Variants in TACC2 observed in about 807,000 individuals in gnomAD.
TACC2 encodes transforming acidic coiled-coil-containing protein 2.
In TACC2, 137 loss-of-function variants were observed where a neutral mutation model predicts 227.3. That is an observed-to-expected ratio of 0.60 (90% CI 0.52 to 0.69). The LOEUF is 0.69. TACC2 is among the 30% of genes least tolerant of loss of function. The probability of loss-of-function intolerance (pLI) is 0.00; values close to 1 mark genes in which losing one functional copy is unlikely to be tolerated. For missense variants in TACC2, 3,470 were observed against 3,694.4 expected (o/e 0.94, Z 1.57); for synonymous variants, 1,523 against 1,487.5 (o/e 1.02, Z -0.55).
intron 9 of TACC2, among the ~76,000 whole-genome samples, chr10:122,214,566 G>A (rs2095362535): frequency 6.6e-6 from 1 of 152,124 alleles, no homozygotes; most frequent in Non-Finnish European, 1.5e-5. Context: ...TCTACAGGGT[G>A]GAAAGAGCCC....
At chr10:122,160,089 A>G (rs2092727060) in intron 7 of TACC2, among the ~76,000 whole-genome samples, 1 of 152,236 alleles carries the variant, frequency 6.6e-6, no homozygotes, top group African/African-American at 2.4e-5. Flanking sequence ...TAGGTGTCAC[A>G]AAGTAATGTG....
intron 7 of TACC2, among the ~76,000 whole-genome samples, chr10:122,182,894 T>G (rs980350794): frequency 1.1e-4 from 16 of 152,056 alleles, no homozygotes; most frequent in African/African-American, 2.9e-4. Context: ...ATACATTCGA[T>G]GTAAACAGCT....
At chr10:122,015,690 A>G (rs1465139949) in intron 1 of TACC2, among the ~76,000 whole-genome samples, 2 of 151,698 alleles carry the variant, frequency 1.3e-5, no homozygotes, top group Non-Finnish European at 2.9e-5. Context: ...CATCTCTACT[A>G]AAAATACAAA....
intron 6 of TACC2, among the ~76,000 whole-genome samples, chr10:122,138,662 C>G (rs1252455666): frequency 6.6e-6 from 1 of 152,146 alleles, no homozygotes; most frequent in East Asian, 1.9e-4. Context: ...ATTTGTGAAG[C>G]CAGCACCCAG....
chr10:122,206,289 C>T (rs1185012527), intron 8 of TACC2, among the ~76,000 whole-genome samples: 1 of 152,224 alleles, frequency 6.6e-6, no homozygotes, highest in African/African-American at 2.4e-5. Context: ...ATTCGCTTTC[C>T]CTCAACTTGG....
chr10:122,045,901 G>C (rs1290218479), intron 2 of TACC2, among the ~76,000 whole-genome samples: 3 of 152,222 alleles, frequency 2.0e-5, no homozygotes, highest in Admixed American at 6.5e-5. Context: ...TGGGCCGGGT[G>C]CCATGGCTCA....
At chr10:122,131,345 C>T (rs1474220979) in intron 5 of TACC2, among the ~76,000 whole-genome samples, 3 of 152,058 alleles carry the variant, frequency 2.0e-5, no homozygotes, top group African/African-American at 7.2e-5. Flanking sequence ...GGCTACAGAG[C>T]GGAGTTCATC....
chr10:122,063,856 A>ACC (rs1554989094), intron 3 of TACC2, among the ~76,000 whole-genome samples: 6 of 150,658 alleles, frequency 4.0e-5, no homozygotes, highest in African/African-American at 4.9e-5. Flanking sequence ...ACACACACAC[A>ACC]CCCTTAAAGA....
In TACC2 at chr10:122,125,369, G is replaced by A. The variant is rs564723560; in HGVS notation, c.5574-7240G>A. Among the ~76,000 whole-genome samples, 185 of 81,144 alleles carry A rather than the reference G, an allele frequency of 2.3e-3. 2 individuals are homozygous for A. Among genetic ancestry groups the A allele is most frequent in the African/African-American group, 4.9e-3 (178 of 36,306 alleles). The allele number at this position is 81,144 out of a possible 152,430, so 53.2% of individuals were successfully genotyped here. On this transcript the variant is annotated intron_variant, in intron 5 of 22. Transcript: ENST00000369005. Reference sequence around the variant, plus strand: ...TGCCACCATGCCCAGATAATTTCTTGTATTTTTTTTTAGTAGAGATTGGGT... The same window carrying A: ...TGCCACCATGCCCAGATAATTTCTTATATTTTTTTTTAGTAGAGATTGGGT...
At chr10:122,152,449 G>A (rs928770254) in intron 7 of TACC2, among the ~76,000 whole-genome samples, 7 of 152,228 alleles carry the variant, frequency 4.6e-5, no homozygotes, top group Admixed American at 2.0e-4. Flanking sequence ...ACAGGGAGAA[G>A]CTTAACATTG....
chr10:122,161,827 A>G (rs1467586611), intron 7 of TACC2, among the ~76,000 whole-genome samples: 1 of 152,278 alleles, frequency 6.6e-6, no homozygotes, highest in East Asian at 1.9e-4. Context: ...AAACAGTAGT[A>G]GCCCAGGTTA....
rs1426135698 is a variant in TACC2 at position 122,211,059 on chromosome 10, G to C, written c.6634G>C (p.Gly2212Arg). The change falls in exon 9 of 23, where the codon GGG (glycine) becomes CGG (arginine). Residue 2212 changes from glycine (G) to arginine (R), a missense_variant. Physicochemically the swap from Gly to Arg is moderately radical, Grantham distance 125. Around this residue, in one of 10 missense-constraint regions of TACC2, gnomAD observed 593 missense variants for 636.6 expected, o/e 0.93. Transcript: ENST00000369005. ...CCCTCTGGACTCAGAGAGTGCAGAA[G>C]GGGTTGTCCCCCCGGCTTCTGGAGG... ...ACPLDSESAE[G>R]VVPPASGGGR... The C allele has an allele frequency of 4.3e-6, 7 of 1,612,704 alleles. 1 individual carries two copies. The highest frequency in any genetic ancestry group is 3.4e-6 in the Non-Finnish European group (4 of 1,179,450).
intron 7 of TACC2, among the ~76,000 whole-genome samples, chr10:122,165,910 G>A (rs2093135831): frequency 6.6e-6 from 1 of 152,198 alleles, no homozygotes; most frequent in South Asian, 2.1e-4. Flanking sequence ...TTTTTCTAGT[G>A]CAGATGTGCT....
intron 5 of TACC2, chr10:122,113,254 C>G (rs901561603): frequency 3.9e-5 from 6 of 152,228 alleles, no homozygotes; most frequent in Non-Finnish European, 8.8e-5. Context: ...GGGCCACGGG[C>G]GGGCGGCCGG....
intron 2 of TACC2, among the ~76,000 whole-genome samples, chr10:122,038,841 C>G (rs2073905505): frequency 6.6e-6 from 1 of 152,120 alleles, no homozygotes; most frequent in Admixed American, 6.6e-5. Context: ...TTTTCTTTCT[C>G]TTAGAAAAAT....
intron 7 of TACC2, among the ~76,000 whole-genome samples, chr10:122,169,978 T>C (rs1273015460): frequency 6.6e-6 from 1 of 152,130 alleles, no homozygotes; most frequent in African/African-American, 2.4e-5. Flanking sequence ...CTTGAGCTCC[T>C]GGGCTCAAGT....
At chr10:122,082,291 G>A (rs2079602290) in intron 3 of TACC2, among the ~76,000 whole-genome samples, 1 of 152,292 alleles carries the variant, frequency 6.6e-6, no homozygotes, top group South Asian at 2.1e-4. Flanking sequence ...CTGGGTGACA[G>A]GGCAAGACCC....
At chr10:122,185,284 T>TG (rs1461070249) in intron 7 of TACC2, among the ~76,000 whole-genome samples, 1 of 151,928 alleles carries the variant, frequency 6.6e-6, no homozygotes, top group Non-Finnish European at 1.5e-5. Flanking sequence ...CTCCGCCTCC[T>TG]GGGTTCATTC....
At chr10:122,031,751 G>A (rs1333877991) in intron 2 of TACC2, among the ~76,000 whole-genome samples, 1 of 138,972 alleles carries the variant, frequency 7.2e-6, no homozygotes, top group African/African-American at 2.7e-5. Context: ...GTCACCTAGC[G>A]TGGAGTGCAG....
Sources: gnomAD v4.1 joint callset for allele counts (sites outside exome capture counted in the v4.1 genomes callset) on GRCh38, gnomAD v4.1.1 for gene constraint, gnomAD v4.1.1 regional missense constraint, MANE v1.5 for transcripts, NCBI Gene and HGNC (gene_info 2026-07-23, HGNC 2026-07-21) for gene names.